Variants in SVEP1 observed in about 807,000 individuals in gnomAD.
SVEP1 encodes sushi, von Willebrand factor type A, EGF and pentraxin domain containing 1.
SVEP1 carries 164 observed loss-of-function variants against 367.3 expected under a neutral mutation model. The observed-to-expected ratio is 0.45, with a 90% CI of 0.39 to 0.51. The LOEUF (loss-of-function observed/expected upper bound fraction) is 0.51. Ranked by LOEUF, SVEP1 falls within the 20% of genes least tolerant of loss-of-function variation. SVEP1 has a pLI of 0.00. For missense variants in SVEP1, 4,117 were observed against 4,425.3 expected (o/e 0.93, Z 1.98); for synonymous variants, 1,666 against 1,611.6 (o/e 1.03, Z -0.81).
chr9:110,546,939 T>C (rs923983978), intron 2 of SVEP1, among the ~76,000 whole-genome samples: 4 of 152,232 alleles, frequency 2.6e-5, no homozygotes, highest in Admixed American at 2.6e-4. Context: ...ATGGATGGCC[T>C]AGAATCACAC....
chr9:110,528,396 A>G (rs556709503), intron 3 of SVEP1, among the ~76,000 whole-genome samples: 1 of 151,660 alleles, frequency 6.6e-6, no homozygotes, highest in East Asian at 1.9e-4. Context: ...TGTTTTCCAT[A>G]GAGGTTTTAC....
rs556574807 is a variant in SVEP1 at position 110,538,827 on chromosome 9, T to C, written c.964+7288A>G. On this transcript the variant is annotated intron_variant, in intron 3 of 47. Coordinates refer to ENST00000374469, the MANE Select transcript of SVEP1 (RefSeq NM_153366.4). ...CGGGGAAATTCAGAACAGCTGCAAC[T>C]GCTTGGATTTACGACCAGAGTTCAC... is the stretch of plus-strand genomic sequence containing the variant. Among the ~76,000 whole-genome samples, 28 of 152,196 alleles carry C rather than the reference T, an allele frequency of 1.8e-4. No individual in the cohort carries two copies. The South Asian group carries it at 5.6e-3, about 30-fold the overall frequency.
chr9:110,514,749 A>C (rs1417719717), intron 3 of SVEP1, among the ~76,000 whole-genome samples: 1 of 152,302 alleles, frequency 6.6e-6, no homozygotes, highest in Middle Eastern at 3.4e-3. Flanking sequence ...GGAGGAATCA[A>C]TGATCCTCAA....
chr9:110,443,629 T>C lies in SVEP1; in HGVS notation c.4555A>G (p.Ser1519Gly). ...RWHHIAITWT[S>G]ANGIWKVYID... Reference sequence around the variant, plus strand: ...TAGACTTTCCAGATGCCATTGGCACTTGTCCAAGTGATTGCAATATGATGC... The same window carrying C: ...TAGACTTTCCAGATGCCATTGGCACCTGTCCAAGTGATTGCAATATGATGC... Residue 1519 changes from serine to glycine, a missense_variant, in exon 27 of 48, where the codon AGT (serine) becomes GGT (glycine). By Grantham distance (56) the Ser-to-Gly change is moderately conservative. Coordinates refer to ENST00000374469, the MANE Select transcript of SVEP1 (RefSeq NM_153366.4). 1 of 1,613,556 alleles carries C rather than the reference T, an allele frequency of 6.2e-7. No individual in the cohort carries two copies. Among genetic ancestry groups the C allele is most frequent in the Non-Finnish European group, 8.5e-7 (1 of 1,179,756 alleles).
chr9:110,412,727 A>G (rs1018687108), intron 36 of SVEP1, among the ~76,000 whole-genome samples: 6 of 152,326 alleles, frequency 3.9e-5, no homozygotes, highest in Admixed American at 6.5e-5. Context: ...AAAAGTGGGC[A>G]AAGGACATGA....
At chr9:110,503,356 C>G in intron 5 of SVEP1, 139 bp from the exon 6 acceptor site, 1 of 791,254 alleles carries the variant, frequency 1.3e-6, no homozygotes, top group Non-Finnish European at 2.0e-6. Flanking sequence ...AATACACCAC[C>G]ATTTTTTGAG....
At chr9:110,464,166 G>A (rs1342652775) in intron 18 of SVEP1, among the ~76,000 whole-genome samples, 2 of 152,126 alleles carry the variant, frequency 1.3e-5, no homozygotes, top group East Asian at 1.9e-4. Flanking sequence ...ATTGACAAAA[G>A]AGTCTCTAGC....
chr9:110,460,019 A>G (rs1203261685), intron 18 of SVEP1, among the ~76,000 whole-genome samples: 5 of 152,204 alleles, frequency 3.3e-5, no homozygotes, highest in African/African-American at 1.2e-4. Context: ...TTTCATGACC[A>G]AGTAATTATG....
At chr9:110,494,127 A>G (rs1829411009) in intron 8 of SVEP1, among the ~76,000 whole-genome samples, 2 of 152,212 alleles carry the variant, frequency 1.3e-5, no homozygotes, top group South Asian at 2.1e-4. Flanking sequence ...CCTTACTTTC[A>G]TCACATCTAC....
chr9:110,427,605 G>A lies in SVEP1; in HGVS notation c.5961C>T (p.Tyr1987=), dbSNP rs752456785. 220 of 1,613,554 alleles carry A rather than the reference G, an allele frequency of 1.4e-4. No homozygotes were observed. The highest frequency in any genetic ancestry group is 5.0e-4 in the Middle Eastern group (3 of 6,056). ...GCCCTACTCACCCTTCTTTGCAAGT[G>A]TAAGTGACGGTGTTCCTGAAAGTGA... ...NNFTFRNTVT[Y]TCKEGYTLAG... Residue 1987 remains tyrosine, a synonymous_variant, in exon 36 of 48, where the codon TAC becomes TAT. Coordinates refer to ENST00000374469, the MANE Select transcript of SVEP1 (RefSeq NM_153366.4).
At chr9:110,390,067 A>G (rs1424982392) in intron 40 of SVEP1, among the ~76,000 whole-genome samples, 2 of 138,802 alleles carry the variant, frequency 1.4e-5, no homozygotes, top group African/African-American at 5.2e-5. Context: ...ATATATAAGT[A>G]TATATATATA....
At chr9:110,431,809 T>C in intron 32 of SVEP1, 106 bp downstream of exon 32, 3 of 1,440,318 alleles carry the variant, frequency 2.1e-6, no homozygotes, top group Non-Finnish European at 2.9e-6. Flanking sequence ...CTGTATGCCC[T>C]TTGAAGTTGA....
chr9:110,403,286 C>T (rs10817014), intron 39 of SVEP1, among the ~76,000 whole-genome samples: 42,459 of 121,012 alleles, frequency 0.35, 7,292 homozygotes, highest in Middle Eastern at 0.46. Flanking sequence ...ATTCCTTCCC[C>T]GCCACCGCCG....
intron 17 of SVEP1, among the ~76,000 whole-genome samples, chr9:110,468,471 T>C (rs752501089): frequency 1.3e-5 from 2 of 152,226 alleles, no homozygotes; most frequent in Non-Finnish European, 2.9e-5. Flanking sequence ...TCTGAACTTC[T>C]GCCTTTCTTT....
intron 17 of SVEP1, among the ~76,000 whole-genome samples, chr9:110,467,881 C>G (rs1828962346): frequency 6.6e-6 from 1 of 152,158 alleles, no homozygotes; most frequent in Non-Finnish European, 1.5e-5. Flanking sequence ...AACAAACTGC[C>G]TGCCTCAGCC....
At chr9:110,471,908 T>A (rs1829023829) in intron 15 of SVEP1, among the ~76,000 whole-genome samples, 1 of 152,176 alleles carries the variant, frequency 6.6e-6, no homozygotes, top group Admixed American at 6.5e-5. Flanking sequence ...TGTAAATTCT[T>A]GCATTTTAAA....
chr9:110,557,269 T>G (rs1474253474), intron 1 of SVEP1, among the ~76,000 whole-genome samples: 1 of 152,238 alleles, frequency 6.6e-6, no homozygotes, highest in Non-Finnish European at 1.5e-5. Flanking sequence ...TGTCATTCTC[T>G]TCTCTACTTC....
chr9:110,456,482 C>A (rs1828777571), intron 21 of SVEP1, among the ~76,000 whole-genome samples: 1 of 152,026 alleles, frequency 6.6e-6, no homozygotes, highest in Admixed American at 6.6e-5. Context: ...GCACACAACA[C>A]GAGCCAGCTA....
chr9:110,399,923 G>T (rs1827830681), intron 40 of SVEP1, among the ~76,000 whole-genome samples: 1 of 152,094 alleles, frequency 6.6e-6, no homozygotes. Flanking sequence ...TGTAAAATAG[G>T]CCTCTTAAAT....
Sources: gnomAD v4.1 joint callset for allele counts (sites outside exome capture counted in the v4.1 genomes callset) on GRCh38, gnomAD v4.1.1 for gene constraint, MANE v1.5 for transcripts, NCBI Gene and HGNC (gene_info 2026-07-23, HGNC 2026-07-21) for gene names.